Variants in AUTS2 observed in about 807,000 individuals in gnomAD.
The protein encoded by AUTS2 is autism susceptibility gene 2 protein.
Under a neutral mutation model 112.4 loss-of-function variants are expected in AUTS2, and 17 were observed. The ratio of observed to expected loss-of-function variants is 0.15; its 90% CI spans 0.10 to 0.23. The LOEUF is 0.23. Among genes scored for constraint, AUTS2 ranks in the 10% least tolerant of loss-of-function variants. The pLI is 1.00. For synonymous variants in AUTS2, 751 were observed against 702.7 expected, an observed-to-expected ratio of 1.07 and a Z score of -1.09; for missense variants, 1,510 against 1,701.6, an observed-to-expected ratio of 0.89 and a Z score of 1.98.
intron 4 of AUTS2, among the ~76,000 whole-genome samples, chr7:70,295,454 C>G (rs1788890360): frequency 6.6e-6 from 1 of 152,170 alleles, no homozygotes; most frequent in African/African-American, 2.4e-5. Context: ...CTGTTTTTAT[C>G]TTAGGCCAGA....
intron 5 of AUTS2, among the ~76,000 whole-genome samples, chr7:70,501,257 C>G (rs1268423734): frequency 6.6e-6 from 1 of 152,078 alleles, no homozygotes; most frequent in African/African-American, 2.4e-5. Context: ...GGCACATGAT[C>G]AGAATGTGTG....
At chr7:70,496,668 T>A (rs6953935) in intron 5 of AUTS2, among the ~76,000 whole-genome samples, 12,748 of 93,174 alleles carry the variant, frequency 0.14, 254 homozygotes, top group Middle Eastern at 0.23. Flanking sequence ...CACATCAGCA[T>A]CGATCACACA....
chr7:70,521,159 G>A (rs1014927463), intron 5 of AUTS2, among the ~76,000 whole-genome samples: 2 of 152,132 alleles, frequency 1.3e-5, no homozygotes, highest in South Asian at 2.1e-4. Context: ...TCCTTGAGTG[G>A]AGAAAAAAGA....
chr7:70,052,915 T>C (rs1177189267), intron 2 of AUTS2, among the ~76,000 whole-genome samples: 3 of 152,168 alleles, frequency 2.0e-5, no homozygotes, highest in East Asian at 1.9e-4. Context: ...CTGTATGAGA[T>C]AATATACAAA....
chr7:69,969,065 G>A (rs1455245236), intron 2 of AUTS2, among the ~76,000 whole-genome samples: 2 of 151,854 alleles, frequency 1.3e-5, no homozygotes, highest in African/African-American at 4.8e-5. Flanking sequence ...TTTTTTCTCA[G>A]TAGATTACTT....
intron 4 of AUTS2, among the ~76,000 whole-genome samples, chr7:70,142,670 A>G (rs916848894): frequency 6.6e-6 from 1 of 152,218 alleles, no homozygotes; most frequent in Non-Finnish European, 1.5e-5. Flanking sequence ...AGCCTGTTCC[A>G]TAGCTAGTAG....
intron 2 of AUTS2, among the ~76,000 whole-genome samples, chr7:69,988,374 G>T (rs1251295929): frequency 6.6e-6 from 1 of 152,110 alleles, no homozygotes; most frequent in Non-Finnish European, 1.5e-5. Context: ...ATTTAATGTT[G>T]TTTTTTTCTG....
At chr7:69,912,274 G>A (rs985248460) in intron 2 of AUTS2, among the ~76,000 whole-genome samples, 6 of 152,158 alleles carry the variant, frequency 3.9e-5, no homozygotes, top group Admixed American at 3.9e-4. Context: ...GACTGCTCGG[G>A]CAGGGGCACT....
At chr7:70,220,731 G>T (rs1262762188) in intron 4 of AUTS2, among the ~76,000 whole-genome samples, 1 of 152,176 alleles carries the variant, frequency 6.6e-6, no homozygotes, top group Non-Finnish European at 1.5e-5. Context: ...CCTTTTAGAG[G>T]AAGGGGGAAC....
chr7:70,305,990 T>TG (rs1480597661), intron 4 of AUTS2, among the ~76,000 whole-genome samples: 2 of 150,020 alleles, frequency 1.3e-5, no homozygotes, highest in Non-Finnish European at 3.0e-5. Context: ...GAAATGCAAG[T>TG]GGGAAAAAAA....
chr7:70,320,745 T>G (rs1312309034), intron 4 of AUTS2, among the ~76,000 whole-genome samples: 3 of 152,166 alleles, frequency 2.0e-5, no homozygotes, highest in Non-Finnish European at 4.4e-5. Flanking sequence ...TGGCACTAGG[T>G]AGGCTCCAGG....
intron 4 of AUTS2, among the ~76,000 whole-genome samples, chr7:70,231,200 C>T (rs1426129555): frequency 6.6e-6 from 1 of 152,218 alleles, no homozygotes; most frequent in East Asian, 1.9e-4. Flanking sequence ...GGAAGGTCTG[C>T]TGTCTTGGGT....
chr7:70,593,149 A>G (rs1482264800), intron 5 of AUTS2, among the ~76,000 whole-genome samples: 1 of 152,002 alleles, frequency 6.6e-6, no homozygotes, highest in Non-Finnish European at 1.5e-5. Context: ...ACCATGCCTG[A>G]CCTGACTTTG....
At chr7:70,352,754 G>A (rs531575640) in intron 4 of AUTS2, among the ~76,000 whole-genome samples, 5 of 152,148 alleles carry the variant, frequency 3.3e-5, no homozygotes, top group Non-Finnish European at 7.3e-5. Flanking sequence ...TAAATGAAAT[G>A]CTTCGTTTAA....
chr7:70,116,061 C>T (rs932862147), intron 2 of AUTS2, among the ~76,000 whole-genome samples: 1 of 152,030 alleles, frequency 6.6e-6, no homozygotes, highest in Middle Eastern at 3.2e-3. Flanking sequence ...AGTGAAAAAT[C>T]GAAGAGAATG....
At chr7:70,014,558 T>TA (rs1272051329) in intron 2 of AUTS2, among the ~76,000 whole-genome samples, 1 of 152,256 alleles carries the variant, frequency 6.6e-6, no homozygotes, top group Non-Finnish European at 1.5e-5. Flanking sequence ...GCCCTTCCTC[T>TA]AAAGGCTGTA....
chr7:69,606,041 G>A (rs117708587), intron 1 of AUTS2, among the ~76,000 whole-genome samples: 1 of 152,200 alleles, frequency 6.6e-6, no homozygotes, highest in Non-Finnish European at 1.5e-5. Context: ...TTAACTACTT[G>A]CACCTTTTTT....
chr7:70,757,568 CT>C (rs1470631890), intron 6 of AUTS2, among the ~76,000 whole-genome samples: 1 of 151,940 alleles, frequency 6.6e-6, no homozygotes. Context: ...GTACTTTTTC[CT>C]TTTATTTTGA....
intron 1 of AUTS2, among the ~76,000 whole-genome samples, chr7:69,846,052 C>T (rs1264302202): frequency 1.3e-5 from 2 of 151,902 alleles, no homozygotes; most frequent in Non-Finnish European, 2.9e-5. Flanking sequence ...CCACTTCCCT[C>T]TTTTCTCACT....
Sources: gnomAD v4.1 joint callset for allele counts (sites outside exome capture counted in the v4.1 genomes callset) on GRCh38, gnomAD v4.1.1 for gene constraint, MANE v1.5 for transcripts, NCBI Gene and HGNC (gene_info 2026-07-23, HGNC 2026-07-21) for gene names.